Variants in ZNF536 observed in about 807,000 individuals in gnomAD.
ZNF536 encodes zinc finger protein 536.
A neutral mutation model predicts 84.5 loss-of-function variants in ZNF536; 13 were observed. That is an observed-to-expected ratio of 0.15 (90% CI 0.10 to 0.24). The LOEUF (loss-of-function observed/expected upper bound fraction) is 0.24. ZNF536 is among the 10% of genes least tolerant of loss of function. The pLI is 1.00. For synonymous variants in ZNF536, 811 were observed against 742.5 expected (o/e 1.09, Z -1.50); for missense variants, 1,536 against 1,747.5 (o/e 0.88, Z 2.16).
At chr19:30,337,760 T>C (rs1212146860) in intron 2 of ZNF536, among the ~76,000 whole-genome samples, 2 of 152,182 alleles carry the variant, frequency 1.3e-5, no homozygotes. Flanking sequence ...AGTTTCCTAG[T>C]GTCTGTATAG....
chr19:30,519,940 T>A lies in ZNF536; in HGVS notation c.2171-14907T>A, dbSNP rs144116154. ...AAACTCTGAGAAATGTCCTGAAGGT[T>A]AAATTCTGGGATGATTGGGCAGACC... On this transcript the variant is annotated intron_variant, in intron 2 of 4. Transcript: ENST00000355537. 2.3e-3 allele frequency among the ~76,000 whole-genome samples: 356 copies of A among 152,292 alleles called. 2 individuals carry two copies. The highest frequency in any genetic ancestry group is 8.1e-3 in the African/African-American group (337 of 41,558).
chr19:30,475,901 G>A (rs1228787549), intron 2 of ZNF536, among the ~76,000 whole-genome samples: 4 of 152,158 alleles, frequency 2.6e-5, no homozygotes, highest in African/African-American at 9.7e-5. Flanking sequence ...GGGACTTAAG[G>A]TTACCTGCTT....
chr19:30,629,292 C>G (rs929608002), intron 1 of ZNF536, among the ~76,000 whole-genome samples: 1 of 152,140 alleles, frequency 6.6e-6, no homozygotes, highest in Non-Finnish European at 1.5e-5. Flanking sequence ...TCGACCTCCT[C>G]GGGTTCAGGT....
chr19:30,443,640 C>A lies in ZNF536; in HGVS notation c.78C>A (p.Leu26=). 6.2e-7 allele frequency: 1 copy of A among 1,612,618 alleles called. No individual in the cohort carries two copies. ...EAEPHLSGPV[L]NGQYAMSQKL... is the part of the protein sequence containing the mutation. ...AGCCCCACCTGAGTGGCCCCGTCCT[C>A]AACGGCCAGTATGCCATGAGTCAGA... Residue 26 remains leucine, a synonymous_variant, in exon 2 of 5, where the codon CTC becomes CTA. Coordinates refer to ENST00000355537, the MANE Select transcript of ZNF536 (RefSeq NM_014717.3).
intron 1 of ZNF536, among the ~76,000 whole-genome samples, chr19:30,565,304 T>A (rs2046312290): frequency 1.3e-5 from 2 of 152,068 alleles, no homozygotes; most frequent in African/African-American, 4.8e-5. Flanking sequence ...CGGCTCCATC[T>A]ACTTACCCGG....
At chr19:30,567,312 C>T (rs1476159209) in intron 1 of ZNF536, among the ~76,000 whole-genome samples, 1 of 152,150 alleles carries the variant, frequency 6.6e-6, no homozygotes, top group East Asian at 1.9e-4. Flanking sequence ...GGGCGGGGCA[C>T]TGGGTAGGGA....
At chr19:30,228,185 G>A (rs2144584122), upstream of ZNF536, 1 of 152,166 alleles carries the variant, frequency 6.6e-6, no homozygotes, top group East Asian at 1.9e-4. The surrounding 1 kb of genome is among the most constrained non-coding windows in gnomAD (Gnocchi z 4.5). Flanking sequence ...TGGGAGGGGG[G>A]GCGATCTTTT....
chr19:30,626,104 G>T (rs997012060), intron 1 of ZNF536, among the ~76,000 whole-genome samples: 6 of 152,218 alleles, frequency 3.9e-5, no homozygotes, highest in African/African-American at 1.4e-4. Flanking sequence ...TCTGCTACCG[G>T]CTGAGTCTGT....
chr19:30,314,265 A>C (rs2046605430), intron 2 of ZNF536, among the ~76,000 whole-genome samples: 2 of 152,184 alleles, frequency 1.3e-5, no homozygotes, highest in African/African-American at 4.8e-5. Context: ...CTGGGAATGG[A>C]GTCTCGAGCG....
chr19:30,516,666 G>A (rs1001839265), intron 2 of ZNF536, among the ~76,000 whole-genome samples: 2 of 152,164 alleles, frequency 1.3e-5, no homozygotes, highest in African/African-American at 4.8e-5. Context: ...CAAACCCACG[G>A]GGTACTCTTG....
At chr19:30,564,348 G>T (rs1206803161) in intron 1 of ZNF536, among the ~76,000 whole-genome samples, 1 of 152,080 alleles carries the variant, frequency 6.6e-6, no homozygotes, top group African/African-American at 2.4e-5. Flanking sequence ...CAAGTAAGAA[G>T]AGAGTAGAAG....
intron 1 of ZNF536, among the ~76,000 whole-genome samples, chr19:30,685,811 G>GCCCCAC (rs1169006295): frequency 6.6e-6 from 1 of 152,162 alleles, no homozygotes; most frequent in Non-Finnish European, 1.5e-5. Context: ...TCCACCACCT[G>GCCCCAC]CCCCACGGTC....
intron 1 of ZNF536, among the ~76,000 whole-genome samples, chr19:30,622,157 T>C (rs143896282): frequency 6.6e-6 from 1 of 152,332 alleles, no homozygotes; most frequent in African/African-American, 2.4e-5. Flanking sequence ...GAAGAATGGG[T>C]TCCCTGTTAT....
intron 1 of ZNF536, among the ~76,000 whole-genome samples, chr19:30,654,096 C>T (rs1358552568): frequency 6.6e-6 from 1 of 152,144 alleles, no homozygotes; most frequent in Non-Finnish European, 1.5e-5. Context: ...TTGAGATCCT[C>T]CCCTCCCTGT....
At chr19:30,336,611 T>C (rs1027679847) in intron 2 of ZNF536, among the ~76,000 whole-genome samples, 1 of 151,904 alleles carries the variant, frequency 6.6e-6, no homozygotes, top group African/African-American at 2.4e-5. Flanking sequence ...AAAGCATGCC[T>C]GGAAGGTAGG....
intron 2 of ZNF536, among the ~76,000 whole-genome samples, chr19:30,321,681 C>A (rs953932372): frequency 2.0e-5 from 3 of 151,896 alleles, no homozygotes; most frequent in African/African-American, 7.3e-5. Flanking sequence ...AGATGCTAAC[C>A]TCTAGGTAAA....
intron 2 of ZNF536, among the ~76,000 whole-genome samples, chr19:30,311,452 G>C (rs1054629188): frequency 9.2e-5 from 14 of 152,164 alleles, no homozygotes; most frequent in Non-Finnish European, 1.3e-4. Context: ...TCTCAACTTT[G>C]TGGGGCCTGC....
intron 1 of ZNF536, among the ~76,000 whole-genome samples, chr19:30,641,284 A>T (rs111848218): frequency 0.018 from 2,732 of 152,294 alleles, 84 homozygotes; most frequent in African/African-American, 0.064. Flanking sequence ...TGTTCTGATT[A>T]TTTAAAAAAT....
chr19:30,296,656 G>T (rs1182521724), intron 2 of ZNF536, among the ~76,000 whole-genome samples: 1 of 152,184 alleles, frequency 6.6e-6, no homozygotes, highest in African/African-American at 2.4e-5. Context: ...CCCCCAGGGA[G>T]CCTAAAATGT....
Sources: gnomAD v4.1 joint callset for allele counts (sites outside exome capture counted in the v4.1 genomes callset) on GRCh38, gnomAD v4.1.1 for gene constraint, Gnocchi (gnomAD v3.1) non-coding constraint, MANE v1.5 for transcripts, NCBI Gene and HGNC (gene_info 2026-07-23, HGNC 2026-07-21) for gene names.